The following PYGO1 variants were observed in gnomAD, a reference collection of about 807,000 sequenced individuals.
The protein encoded by PYGO1 is pygopus homolog 1.
Under a neutral mutation model 29.5 loss-of-function variants are expected in PYGO1, and 6 were observed. The ratio of observed to expected loss-of-function variants is 0.20; its 90% CI spans 0.11 to 0.40. PYGO1 has a LOEUF of 0.40. PYGO1 is among the 10% of genes least tolerant of loss of function. The probability of loss-of-function intolerance (pLI) is 1.00; values close to 1 mark genes in which losing one functional copy is unlikely to be tolerated. For missense variants in PYGO1, 515 were observed against 514.9 expected, an observed-to-expected ratio of 1.00 and a Z score of 0.00; for synonymous variants, 186 against 180.5, an observed-to-expected ratio of 1.03 and a Z score of -0.24.
intron 1 of PYGO1, among the ~76,000 whole-genome samples, chr15:55,553,402 T>G (rs1483796203): frequency 6.6e-6 from 1 of 150,928 alleles, no homozygotes; most frequent in African/African-American, 2.4e-5. Context: ...CTGCTTCCTT[T>G]TTTTTTTTTT....
intron 1 of PYGO1, among the ~76,000 whole-genome samples, chr15:55,555,364 A>T (rs1369147846): frequency 4.6e-5 from 7 of 151,982 alleles, no homozygotes; most frequent in Non-Finnish European, 8.8e-5. Flanking sequence ...AGGAAGCACT[A>T]AATATGGAAA....
intron 1 of PYGO1, among the ~76,000 whole-genome samples, chr15:55,568,320 C>CTGTGTGTGTGTGTGTGTGTGTGTGTG (rs58177433): frequency 7.1e-5 from 9 of 125,914 alleles, no homozygotes; most frequent in South Asian, 3.0e-4. Flanking sequence ...TTCCTAGGTA[C>CTGTGTGTGTGTGTGTGTGTGTGTGTG]TGTGTGTGTG....
chr15:55,541,759 G>C lies in PYGO1; in HGVS notation c.*4264C>G, dbSNP rs910460773. The C allele has an allele frequency of 6.6e-6, 1 of 152,154 alleles. No homozygotes were observed. Among genetic ancestry groups the C allele is most frequent in the African/African-American group, 2.4e-5 (1 of 41,426 alleles). The allele number at this position is 152,154 out of a possible 1,614,324, so 9.4% of individuals were successfully genotyped here. A position where few individuals can be genotyped will look rare whatever the true frequency, so the allele number is the denominator to read the frequency against. The stretch of plus-strand genomic sequence containing the variant: ...TTTCACCAGAGTTTAGCATGGTAAG[G>C]GGGCAAATGCAAAGAAACCCACACC... On this transcript the variant is annotated 3_prime_UTR_variant, in exon 3 of 3. Coordinates refer to ENST00000563719, the MANE Select transcript of PYGO1 (RefSeq NM_001367806.1).
At chr15:55,559,357 T>C (rs1206206130) in intron 1 of PYGO1, among the ~76,000 whole-genome samples, 2 of 151,974 alleles carry the variant, frequency 1.3e-5, no homozygotes, top group Admixed American at 6.6e-5. Context: ...TGTGGAGAAA[T>C]AGGAATACTT....
chr15:55,574,648 A>ATG (rs56305536), intron 1 of PYGO1, among the ~76,000 whole-genome samples: 3,312 of 151,020 alleles, frequency 0.022, 55 homozygotes, highest in East Asian at 0.079. Context: ...TATACTGTAT[A>ATG]TGTGTGTGTG....
intron 1 of PYGO1, among the ~76,000 whole-genome samples, chr15:55,555,168 G>A (rs1317605572): frequency 1.3e-5 from 2 of 152,062 alleles, no homozygotes; most frequent in East Asian, 3.9e-4. Context: ...CCTCTCAGCA[G>A]AAACCCTACA....
chr15:55,587,535 T>G (rs1363414869), intron 1 of PYGO1, among the ~76,000 whole-genome samples: 1 of 151,836 alleles, frequency 6.6e-6, no homozygotes, highest in African/African-American at 2.4e-5. Context: ...AGGTGCCTAT[T>G]GTGCTGTCTT....
At chr15:55,580,307 TA>T (rs1283717548) in intron 1 of PYGO1, among the ~76,000 whole-genome samples, 1 of 152,234 alleles carries the variant, frequency 6.6e-6, no homozygotes, top group Non-Finnish European at 1.5e-5. Flanking sequence ...TTTCTTTCTG[TA>T]AGAAGAAAAC....
chr15:55,559,276 T>G, intron 1 of PYGO1, among the ~76,000 whole-genome samples: 1 of 151,966 alleles, frequency 6.6e-6, no homozygotes, highest in East Asian at 1.9e-4. Flanking sequence ...AAAACCACAA[T>G]GAGATACCAT....
Position 55,578,411 on chromosome 15 carries a change from T to C in PYGO1, c.49+9424A>G, listed in dbSNP as rs538985720. Among the ~76,000 whole-genome samples the C allele has an allele frequency of 1.8e-4, 27 of 152,308 alleles. No homozygotes were observed. The South Asian group carries it at 5.4e-3, about 30-fold the overall frequency. ...ATCACTGGGTCACATAGCAATTTTA[T>C]GTTTAACTCTGAGAAACTGCCAAAC... On this transcript the variant is annotated intron_variant, in intron 1 of 2. Transcript: ENST00000563719.
intron 1 of PYGO1, among the ~76,000 whole-genome samples, chr15:55,583,793 C>G (rs2059035164): frequency 6.6e-6 from 1 of 152,214 alleles, no homozygotes; most frequent in Non-Finnish European, 1.5e-5. Flanking sequence ...CAGGCATAAG[C>G]CACCACACCT....
intron 1 of PYGO1, among the ~76,000 whole-genome samples, chr15:55,559,248 A>G (rs1595985763): frequency 1.3e-5 from 2 of 152,220 alleles, no homozygotes; most frequent in South Asian, 2.1e-4. Flanking sequence ...ATCACTGGCC[A>G]TCAGAGAAAT....
chr15:55,566,248 G>A (rs2058956038), intron 1 of PYGO1, among the ~76,000 whole-genome samples: 2 of 152,108 alleles, frequency 1.3e-5, no homozygotes, highest in South Asian at 4.1e-4. Flanking sequence ...GTAGTCCCCA[G>A]GGTCTATTGC....
intron 1 of PYGO1, among the ~76,000 whole-genome samples, chr15:55,560,721 G>C (rs1273996896): frequency 6.6e-6 from 1 of 152,126 alleles, no homozygotes; most frequent in Non-Finnish European, 1.5e-5. Flanking sequence ...CCAGCACTTT[G>C]GGAGGCTGAG....
rs901507373 is a variant in PYGO1, at chr15:55,587,799, C to A, written c.49+36G>T. Reference sequence around the variant, plus strand: ...CACGGGGCCCCGCGCACCTCACTCACCCCGGTTCCCCCAATCCGGCACCCT... The same window carrying A: ...CACGGGGCCCCGCGCACCTCACTCAACCCGGTTCCCCCAATCCGGCACCCT... On this transcript the variant is annotated intron_variant, in intron 1 of 2. Coordinates refer to ENST00000563719, the MANE Select transcript of PYGO1 (RefSeq NM_001367806.1). 8.1e-6 allele frequency: 12 copies of A among 1,476,320 alleles called. No homozygotes were observed. The African/African-American group carries it at 1.4e-4, about 18-fold the overall frequency. The allele number at this position is 1,476,320 out of a possible 1,614,324, so 91.5% of individuals were successfully genotyped here.
intron 1 of PYGO1, among the ~76,000 whole-genome samples, chr15:55,553,414 TAAG>T (rs1182536882): frequency 2.0e-5 from 3 of 150,014 alleles, no homozygotes; most frequent in Non-Finnish European, 3.0e-5. Context: ...TTTTTTTTTT[TAAG>T]AAGGAGTTTC....
intron 1 of PYGO1, among the ~76,000 whole-genome samples, chr15:55,568,117 C>T (rs1450361778): frequency 1.3e-5 from 2 of 151,910 alleles, no homozygotes; most frequent in East Asian, 1.9e-4. Context: ...GTGAAAAATT[C>T]CATTGTAGTT....
At chr15:55,576,320 G>A (rs536313646) in intron 1 of PYGO1, among the ~76,000 whole-genome samples, 13 of 149,682 alleles carry the variant, frequency 8.7e-5, no homozygotes, top group South Asian at 2.1e-4. Flanking sequence ...GCCGGGCGTA[G>A]TGGCGGGCGC....
At chr15:55,567,832 C>A (rs1411252625) in intron 1 of PYGO1, among the ~76,000 whole-genome samples, 2 of 152,140 alleles carry the variant, frequency 1.3e-5, no homozygotes, top group Non-Finnish European at 2.9e-5. Context: ...CCAGCTATCC[C>A]AGCGCCATTT....
Sources: allele counts gnomAD v4.1 joint callset (sites outside exome capture counted in the v4.1 genomes callset), GRCh38; gene constraint gnomAD v4.1.1; transcripts MANE v1.5; gene names NCBI Gene and HGNC (gene_info 2026-07-23, HGNC 2026-07-21).